SPTBN1: variants seen among roughly 807,000 people sequenced by gnomAD.
The protein encoded by SPTBN1 is spectrin beta chain, non-erythrocytic 1.
Under a neutral mutation model 266.4 loss-of-function variants are expected in SPTBN1, and 32 were observed. The ratio of observed to expected loss-of-function variants is 0.12; its 90% confidence interval spans 0.09 to 0.16. The LOEUF (loss-of-function observed/expected upper bound fraction) is 0.16, where lower values mean the gene tolerates loss of function less well. SPTBN1 is among the 10% of genes least tolerant of loss of function. The pLI is 1.00. For synonymous variants in SPTBN1, 1,336 were observed against 1,162.2 expected (o/e 1.15, Z -3.04); for missense variants, 2,296 against 3,067.1 (o/e 0.75, Z 5.94).
chr2:54,546,643 T>C (rs1245185810), intron 2 of SPTBN1: 1 of 152,200 alleles, frequency 6.6e-6, no homozygotes, highest in East Asian at 1.9e-4. Flanking sequence ...CTGTGGGAAA[T>C]GGATAAACTC....
chr2:54,541,655 A>G (rs955630506), intron 2 of SPTBN1, among the ~76,000 whole-genome samples: 4 of 152,174 alleles, frequency 2.6e-5, no homozygotes, highest in African/African-American at 7.2e-5. Context: ...ATGGGGGATG[A>G]TGTTTCTATG....
rs534682112 is a variant in SPTBN1 at position 54,543,760 on chromosome 2, A to G, written c.148+17194A>G. On this transcript the variant is annotated intron_variant, in intron 2 of 35. Transcript: ENST00000356805. Reference sequence around the variant, plus strand: ...GAAAAATACAATAAAAATATTTTAAACTTTTGATAAATTGGTCCCCCCTCC... The same window carrying G: ...GAAAAATACAATAAAAATATTTTAAGCTTTTGATAAATTGGTCCCCCCTCC... Among the ~76,000 whole-genome samples the G allele has an allele frequency of 2.6e-4, 39 of 152,306 alleles. 1 individual carries two copies. The highest frequency in any genetic ancestry group is 7.7e-4 in the African/African-American group (32 of 41,570).
At chr2:54,619,099 CTG>C (rs997070307) in intron 7 of SPTBN1, among the ~76,000 whole-genome samples, 13 of 152,288 alleles carry the variant, frequency 8.5e-5, no homozygotes, top group African/African-American at 2.4e-4. Flanking sequence ...AGGAAAAAAA[CTG>C]TGTGTATGTG....
In SPTBN1 at chr2:54,645,044, T is replaced by C; in HGVS notation, c.4270-185T>C. On this transcript the variant is annotated intron_variant, in intron 20 of 35. Coordinates refer to ENST00000356805, the MANE Select transcript of SPTBN1 (RefSeq NM_003128.3). This position sits in a 1 kb window ranked among gnomAD's most constrained non-coding sequence, Gnocchi z 4.3. ...AGAGGGCTTTAAGGGCAAATGAATT[T>C]ACCTCAGATTTACTTGAAAACAGTT... 3.3e-6 allele frequency: 2 copies of C among 614,984 alleles called. No homozygotes were observed. Among genetic ancestry groups the C allele is most frequent in the Non-Finnish European group, 5.7e-6 (2 of 351,812 alleles). The allele number at this position is 614,984 out of a possible 1,614,324, so 38.1% of individuals were successfully genotyped here. A position where few individuals can be genotyped will look rare whatever the true frequency, so the allele number is the denominator to read the frequency against.
intron 4 of SPTBN1, 124 bp downstream of exon 4, chr2:54,612,458 G>T: frequency 9.2e-7 from 1 of 1,092,756 alleles, no homozygotes; most frequent in Non-Finnish European, 1.3e-6. Context: ...ATGTCTCAGA[G>T]TCATGTGTGT....
chr2:54,662,474 A>G, intron 32 of SPTBN1: 1 of 253,606 alleles, frequency 3.9e-6, no homozygotes, highest in Non-Finnish European at 6.2e-6. Context: ...CAGTCTGACC[A>G]AGTATGATAA....
intron 1 of SPTBN1, among the ~76,000 whole-genome samples, chr2:54,507,405 G>A (rs1220654059): frequency 6.6e-6 from 1 of 152,146 alleles, no homozygotes; most frequent in East Asian, 1.9e-4. Flanking sequence ...TCTCAGGGCT[G>A]CTTTGAGCAG....
intron 2 of SPTBN1, among the ~76,000 whole-genome samples, chr2:54,576,492 A>G (rs1201867485): frequency 1.3e-5 from 2 of 152,168 alleles, no homozygotes; most frequent in South Asian, 2.1e-4. Flanking sequence ...ACTTTGAAGA[A>G]GTAGTACTTT....
At position 54,668,711 on chromosome 2, in the gene SPTBN1, T is replaced by G; in HGVS notation, c.*142T>G. On this transcript the variant is annotated 3_prime_UTR_variant, in exon 36 of 36. Transcript: ENST00000356805. The stretch of plus-strand genomic sequence containing the variant: ...TTTTTTTTTTAATTTATAGAGCATT[T>G]CGGGGGGGGTGGGGGAAACACACCT... 2.2e-4 allele frequency: 98 copies of G among 440,218 alleles called. No individual in the cohort carries two copies. Among genetic ancestry groups the G allele is most frequent in the Non-Finnish European group, 3.5e-4 (88 of 250,274 alleles). 27.3% of individuals were successfully genotyped at this position (440,218 alleles called of 1,614,324 possible).
chr2:54,571,412 C>T (rs1013994065), intron 2 of SPTBN1, among the ~76,000 whole-genome samples: 3 of 152,028 alleles, frequency 2.0e-5, no homozygotes, highest in Admixed American at 6.6e-5. Flanking sequence ...ACGAGTTCAC[C>T]GTTTGCCAGG....
At chr2:54,532,283 C>T (rs982398686) in intron 2 of SPTBN1, among the ~76,000 whole-genome samples, 6 of 152,052 alleles carry the variant, frequency 3.9e-5, no homozygotes, top group Non-Finnish European at 5.9e-5. Context: ...TATGAGACTC[C>T]GTCTCAAAAA....
At chr2:54,622,243 C>G in intron 8 of SPTBN1, 57 bp from the exon 9 acceptor site, 1 of 1,487,782 alleles carries the variant, frequency 6.7e-7, no homozygotes, top group Non-Finnish European at 9.2e-7. Context: ...GGGTTACAAT[C>G]GTATTTAACT....
At position 54,645,133 on chromosome 2, in the gene SPTBN1, G is replaced by C; in HGVS notation, c.4270-96G>C. 1 of 1,308,390 alleles carries C rather than the reference G, an allele frequency of 7.6e-7. No homozygotes were observed. Among genetic ancestry groups the C allele is most frequent in the Non-Finnish European group, 1.1e-6 (1 of 932,264 alleles). The allele number at this position is 1,308,390 out of a possible 1,614,324, so 81.0% of individuals were successfully genotyped here. On this transcript the variant is annotated intron_variant, in intron 20 of 35. Coordinates refer to ENST00000356805, the MANE Select transcript of SPTBN1 (RefSeq NM_003128.3). This position sits in a 1 kb window ranked among gnomAD's most constrained non-coding sequence, Gnocchi z 4.3. ...GAGTGGCTCCCATGGCTGGCTTTGCGGTGTGGCCAAGTCCCAGGCCCAGCA... is the reference window on the plus strand; with the variant it reads ...GAGTGGCTCCCATGGCTGGCTTTGCCGTGTGGCCAAGTCCCAGGCCCAGCA...
At chr2:54,466,147 A>G in intron 1 of SPTBN1, among the ~76,000 whole-genome samples, 1 of 152,220 alleles carries the variant, frequency 6.6e-6, no homozygotes, top group East Asian at 1.9e-4. Context: ...CTGCTCTAGA[A>G]TCGAGAATGC....
intron 4 of SPTBN1, among the ~76,000 whole-genome samples, chr2:54,614,032 T>A (rs1453378911): frequency 6.6e-6 from 1 of 152,232 alleles, no homozygotes; most frequent in Non-Finnish European, 1.5e-5. Context: ...CATTGACTAA[T>A]TCGCTTCCTG....
intron 1 of SPTBN1, among the ~76,000 whole-genome samples, chr2:54,517,000 ATGG>A (rs1157426364): frequency 2.0e-5 from 3 of 152,236 alleles, no homozygotes; most frequent in Admixed American, 6.5e-5. Context: ...TGTCTGGCTT[ATGG>A]TAAGGGGTTG....
rs191746218 is a variant in SPTBN1, at chr2:54,641,297, T to A, written c.3859-1686T>A. On this transcript the variant is annotated intron_variant, in intron 18 of 35. Transcript: ENST00000356805. ...AGCCTCTGATTTTTATGTAGCGCGCTCTCTCTCTCTCTCTTTTTAATCCCT... is the reference window on the plus strand; with the variant it reads ...AGCCTCTGATTTTTATGTAGCGCGCACTCTCTCTCTCTCTTTTTAATCCCT... Among the ~76,000 whole-genome samples, 36 of 151,496 alleles carry A rather than the reference T, an allele frequency of 2.4e-4. 1 individual carries two copies. Among genetic ancestry groups the A allele is most frequent in the African/African-American group, 8.2e-4 (34 of 41,420 alleles).
chr2:54,632,593 C>G lies in SPTBN1; in HGVS notation c.3592C>G (p.Pro1198Ala). The change falls in exon 17 of 36, where the codon CCT becomes GCT. Residue 1198 changes from proline to alanine, a missense_variant. Pro to Ala is a conservative substitution (Grantham distance 27). Coordinates refer to ENST00000356805, the MANE Select transcript of SPTBN1 (RefSeq NM_003128.3). ...QEYVLAHTEM[P>A]TTLEGAEAAI... ...GTATGTTCTGGCTCACACTGAAATG[C>G]CTACCACCTTGGAAGGAGCTGAAGC... 1 of 1,614,198 alleles carries G rather than the reference C, an allele frequency of 6.2e-7. No homozygotes were observed. Among genetic ancestry groups the G allele is most frequent in the Non-Finnish European group, 8.5e-7 (1 of 1,180,038 alleles).
chr2:54,573,087 T>C (rs1674202532), intron 2 of SPTBN1, among the ~76,000 whole-genome samples: 1 of 152,236 alleles, frequency 6.6e-6, no homozygotes, highest in African/African-American at 2.4e-5. Flanking sequence ...CTCAGTTTCC[T>C]GTGAGCTCAT....
Sources: allele counts gnomAD v4.1 joint callset (sites outside exome capture counted in the v4.1 genomes callset), GRCh38; gene constraint gnomAD v4.1.1; non-coding constraint Gnocchi (gnomAD v3.1); transcripts MANE v1.5; gene names NCBI Gene and HGNC (gene_info 2026-07-23, HGNC 2026-07-21).